Variants in RGPD6 observed in about 807,000 individuals in gnomAD.
The protein encoded by RGPD6 is RANBP2-like and GRIP domain-containing protein 5/6.
chr2:110,595,398 TCTATC>T, the RGPD6 span, among the ~76,000 whole-genome samples: 2 of 150,996 alleles, frequency 1.3e-5, no homozygotes, highest in South Asian at 2.1e-4. Context: ...TTTCACAGCC[TCTATC>T]TCAGGGCCAC....
the RGPD6 span, among the ~76,000 whole-genome samples, chr2:110,605,112 C>A: frequency 1.3e-5 from 2 of 151,904 alleles, no homozygotes; most frequent in African/African-American, 4.9e-5. Context: ...TAACCAGTCT[C>A]TCCACCCAGC....
the RGPD6 span, among the ~76,000 whole-genome samples, chr2:110,596,969 T>TAA: frequency 7.1e-4 from 19 of 26,690 alleles, no homozygotes; most frequent in East Asian, 2.9e-3. Context: ...ATAATATATA[T>TAA]TATGTATATA....
chr2:110,596,013 A>AG, the RGPD6 span, among the ~76,000 whole-genome samples: 3 of 131,554 alleles, frequency 2.3e-5, no homozygotes, highest in Non-Finnish European at 3.2e-5. Flanking sequence ...AGAGATGCTG[A>AG]GTTACTAAAG....
the RGPD6 span, among the ~76,000 whole-genome samples, chr2:110,600,385 A>AGGTG: frequency 3.3e-5 from 1 of 30,302 alleles, no homozygotes; most frequent in South Asian, 1.0e-3. Flanking sequence ...TCCTCCTTTA[A>AGGTG]GGTGAATCTT....
chr2:110,599,810 A>AC, the RGPD6 span, among the ~76,000 whole-genome samples: 1 of 100,496 alleles, frequency 1.0e-5, no homozygotes, highest in Non-Finnish European at 2.2e-5. Context: ...AACATACCCT[A>AC]CTTCCTTTCA....
chr2:110,606,154 A>T, the RGPD6 span, among the ~76,000 whole-genome samples: 82 of 151,428 alleles, frequency 5.4e-4, no homozygotes, highest in Non-Finnish European at 1.1e-3. Flanking sequence ...CATAGTAATA[A>T]GCGTTATTTC....
chr2:110,609,915 A>G, the RGPD6 span, among the ~76,000 whole-genome samples: 1 of 133,436 alleles, frequency 7.5e-6, no homozygotes, highest in Non-Finnish European at 1.6e-5. Flanking sequence ...AACTGGAATT[A>G]AACTGCTTCC....
the RGPD6 span, among the ~76,000 whole-genome samples, chr2:110,596,904 G>A: frequency 1.1e-4 from 15 of 137,356 alleles, no homozygotes; most frequent in African/African-American, 4.3e-4. Flanking sequence ...ACCTGCTGGA[G>A]ACCATTTACA....
the RGPD6 span, among the ~76,000 whole-genome samples, chr2:110,610,122 T>G: frequency 1.9e-5 from 2 of 104,400 alleles, no homozygotes; most frequent in Non-Finnish European, 3.9e-5. Flanking sequence ...AGGAAAGGAG[T>G]CTCCCTGGGC....
chr2:110,610,563 AGAAAAGG>A, the RGPD6 span, among the ~76,000 whole-genome samples: 727 of 150,830 alleles, frequency 4.8e-3, 4 homozygotes, highest in Non-Finnish European at 7.1e-3. Flanking sequence ...CCGGGGAGGC[AGAAAAGG>A]GCTGGCGAGG....
the RGPD6 span, among the ~76,000 whole-genome samples, chr2:110,605,836 G>A: frequency 1.1e-4 from 16 of 151,298 alleles, no homozygotes; most frequent in African/African-American, 1.5e-4. Context: ...TTCCCACCAC[G>A]TGGTTTTCCT....
the RGPD6 span, among the ~76,000 whole-genome samples, chr2:110,607,706 G>T: frequency 6.8e-6 from 1 of 147,102 alleles, no homozygotes. Flanking sequence ...AGTTCTTAGG[G>T]ATTAAGATTC....
chr2:110,610,851 G>C, the RGPD6 span: 1 of 1,011,854 alleles, frequency 9.9e-7, no homozygotes, highest in Non-Finnish European at 1.2e-6. Flanking sequence ...GCGCTGCGAC[G>C]AAAGGCGCCG....
the RGPD6 span, among the ~76,000 whole-genome samples, chr2:110,593,953 AAAG>A: frequency 7.4e-6 from 1 of 135,434 alleles, no homozygotes; most frequent in Non-Finnish European, 1.5e-5. Context: ...TTTCATTATC[AAAG>A]AAGAAAATAG....
the RGPD6 span, among the ~76,000 whole-genome samples, chr2:110,600,986 G>A: frequency 2.6e-5 from 4 of 152,028 alleles, no homozygotes; most frequent in African/African-American, 9.7e-5. Context: ...AAAGTGGAAG[G>A]AAGTAAACAT....
At chr2:110,606,134 G>A in the RGPD6 span, among the ~76,000 whole-genome samples, 1 of 151,696 alleles carries the variant, frequency 6.6e-6, no homozygotes, top group Non-Finnish European at 1.5e-5. Context: ...AAATATCGAA[G>A]TGTATCACAC....
At chr2:110,576,888 G>T in intron 1 of RGPD6, 65 bp downstream of exon 1, 1 of 836,616 alleles carries the variant, frequency 1.2e-6, no homozygotes, top group South Asian at 2.4e-5. Context: ...GGCCGCCGCC[G>T]CCGCCCCCCC....
chr2:110,600,983 A>G, the RGPD6 span, among the ~76,000 whole-genome samples: 1 of 151,998 alleles, frequency 6.6e-6, no homozygotes, highest in East Asian at 1.9e-4. Context: ...CAGAAAGTGG[A>G]AGGAAGTAAA....
chr2:110,605,700 G>C, the RGPD6 span, among the ~76,000 whole-genome samples: 4 of 151,358 alleles, frequency 2.6e-5, 1 homozygote, highest in African/African-American at 7.4e-5. Context: ...AGCATCAGCG[G>C]GCACTACTGG....
Sources: gnomAD v4.1 joint callset for allele counts (sites outside exome capture counted in the v4.1 genomes callset) on GRCh38, gnomAD v4.1.1 for gene constraint, MANE v1.5 for transcripts, NCBI Gene and HGNC (gene_info 2026-07-23, HGNC 2026-07-21) for gene names.